Variants in MMP26 observed in about 807,000 individuals in gnomAD.
The protein encoded by MMP26 is matrix metalloproteinase-26.
MMP26 carries 33 observed loss-of-function variants against 31.0 expected under a neutral mutation model. That is an observed-to-expected ratio of 1.06 (90% CI 0.81 to 1.42). MMP26 has a LOEUF of 1.42. Ranked by LOEUF, MMP26 falls within the 40% of genes most tolerant of loss-of-function variation. The pLI is 0.00. For synonymous variants in MMP26, 122 were observed against 114.9 expected (o/e 1.06, Z -0.40); for missense variants, 347 against 316.1 (o/e 1.10, Z -0.74).
chr11:4,951,167 G>C (rs1470166163), intron 2 of MMP26, among the ~76,000 whole-genome samples: 1 of 124,390 alleles, frequency 8.0e-6, no homozygotes, highest in Admixed American at 8.9e-5. Flanking sequence ...TGATTTAATT[G>C]ACTATGATGT....
chr11:4,924,399 A>G, intron 2 of MMP26: 1 of 1,508,922 alleles, frequency 6.6e-7, no homozygotes. Context: ...GGAAAGTGAC[A>G]AGGCTGAATT....
At chr11:4,903,317 TACAA>T (rs1467542218) in intron 2 of MMP26, among the ~76,000 whole-genome samples, 1 of 152,110 alleles carries the variant, frequency 6.6e-6, no homozygotes, top group Non-Finnish European at 1.5e-5. Flanking sequence ...AAATGGATCA[TACAA>T]ATAAGTGGAA....
chr11:4,714,797 A>G (rs1847904009), intron 1 of MMP26, among the ~76,000 whole-genome samples: 1 of 152,126 alleles, frequency 6.6e-6, no homozygotes, highest in African/African-American at 2.4e-5. Context: ...CTGGAGTGTT[A>G]TCTTGGTATA....
At chr11:4,801,289 T>C (rs1849177506) in intron 2 of MMP26, among the ~76,000 whole-genome samples, 1 of 152,154 alleles carries the variant, frequency 6.6e-6, no homozygotes, top group Non-Finnish European at 1.5e-5. Context: ...GTTAGTCCAT[T>C]GCATCACGAT....
chr11:4,754,789 C>A (rs571177173), intron 1 of MMP26, among the ~76,000 whole-genome samples: 17 of 151,974 alleles, frequency 1.1e-4, no homozygotes, highest in African/African-American at 3.9e-4. Flanking sequence ...TACTTTAAAG[C>A]TTTTATCCTC....
At chr11:4,968,758 A>C (rs1341678293) in intron 2 of MMP26, among the ~76,000 whole-genome samples, 1 of 151,992 alleles carries the variant, frequency 6.6e-6, no homozygotes, top group Non-Finnish European at 1.5e-5. Flanking sequence ...GATAATTAAT[A>C]AAAATAAATA....
At chr11:4,923,952 T>G in intron 2 of MMP26, 1 of 1,614,100 alleles carries the variant, frequency 6.2e-7, no homozygotes. Context: ...TGCAGTGGGT[T>G]GCAGACGGCC....
intron 1 of MMP26, chr11:4,719,376 T>G (rs1335125674): frequency 1.3e-5 from 2 of 153,488 alleles, no homozygotes; most frequent in East Asian, 3.8e-4. Flanking sequence ...TATTTTACAT[T>G]CCATTGATCA....
chr11:4,822,410 A>C (rs1046991916), intron 2 of MMP26: 1 of 1,430,064 alleles, frequency 7.0e-7, no homozygotes, highest in Non-Finnish European at 9.2e-7. Context: ...GCCATTTATG[A>C]ATAAGTGCTT....
At chr11:4,900,396 C>T (rs1850783177) in intron 2 of MMP26, among the ~76,000 whole-genome samples, 1 of 152,170 alleles carries the variant, frequency 6.6e-6, no homozygotes, top group Non-Finnish European at 1.5e-5. Flanking sequence ...CCATTTTCTA[C>T]TCAAGAAGTG....
intron 2 of MMP26, among the ~76,000 whole-genome samples, chr11:4,916,704 T>C (rs1851098583): frequency 6.6e-6 from 1 of 151,840 alleles, no homozygotes; most frequent in Admixed American, 6.6e-5. Flanking sequence ...AGGTGGAGAG[T>C]ATGTGAATGA....
chr11:4,921,385 TAAAAC>T (rs1457695454), intron 2 of MMP26, among the ~76,000 whole-genome samples: 2 of 151,986 alleles, frequency 1.3e-5, no homozygotes, highest in African/African-American at 4.8e-5. Context: ...TAAAATACAA[TAAAAC>T]AAAACAAAAC....
chr11:4,983,201 T>G (rs1232274273), intron 2 of MMP26, among the ~76,000 whole-genome samples: 2 of 152,162 alleles, frequency 1.3e-5, no homozygotes, highest in East Asian at 3.9e-4. Flanking sequence ...GACTGTGTGG[T>G]TCTGTGCTGT....
chr11:4,859,836 G>T (rs759280379), intron 2 of MMP26: 1 of 471,380 alleles, frequency 2.1e-6, no homozygotes, highest in South Asian at 1.5e-5. Context: ...TGTGAGAGAG[G>T]CATGTGCTGA....
chr11:4,925,775 A>C (rs1471229003), intron 2 of MMP26, among the ~76,000 whole-genome samples: 2 of 151,932 alleles, frequency 1.3e-5, no homozygotes, highest in African/African-American at 4.8e-5. Context: ...TAACTACAAA[A>C]AAAAAAAAAA....
At chr11:4,783,071 C>T (rs1423022162) in intron 2 of MMP26, among the ~76,000 whole-genome samples, 1 of 152,238 alleles carries the variant, frequency 6.6e-6, no homozygotes, top group Non-Finnish European at 1.5e-5. Flanking sequence ...AGAGCCCCTA[C>T]TGGGGCACCA....
intron 2 of MMP26, chr11:4,914,654 A>G (rs1159422015): frequency 1.8e-6 from 2 of 1,088,404 alleles, no homozygotes; most frequent in Non-Finnish European, 2.7e-6. Context: ...TGCATGTTAG[A>G]AATTATAAAG....
At chr11:4,796,158 C>T (rs1167380820) in intron 2 of MMP26, among the ~76,000 whole-genome samples, 1 of 152,214 alleles carries the variant, frequency 6.6e-6, no homozygotes, top group Non-Finnish European at 1.5e-5. Context: ...TGCTCTACAG[C>T]ATCGCTTGTC....
At position 4,724,039 on chromosome 11, in the gene MMP26, C is replaced by T. The variant is rs960866134; in HGVS notation, c.-217+18994C>T. 3.4e-5 allele frequency: 23 copies of T among 668,168 alleles called. No homozygotes were observed. The African/African-American group carries it at 3.9e-4, about 11-fold the overall frequency. The allele number at this position is 668,168 out of a possible 1,614,324, so 41.4% of individuals were successfully genotyped here. A position where few individuals can be genotyped will look rare whatever the true frequency, so the allele number is the denominator to read the frequency against. On this transcript the variant is annotated intron_variant, in intron 1 of 7. Coordinates refer to ENST00000380390, the MANE Select transcript of MMP26 (RefSeq NM_021801.5). ...ACCTCCACCCAGGCTACCCCGGAAGCTGCTGGTACCACTGGGGAAAAGCTT... is the reference window on the plus strand; with the variant it reads ...ACCTCCACCCAGGCTACCCCGGAAGTTGCTGGTACCACTGGGGAAAAGCTT...
Sources: gnomAD v4.1 joint callset for allele counts (sites outside exome capture counted in the v4.1 genomes callset) on GRCh38, gnomAD v4.1.1 for gene constraint, MANE v1.5 for transcripts, NCBI Gene and HGNC (gene_info 2026-07-23, HGNC 2026-07-21) for gene names.